The following CWC22 variants were observed in gnomAD, a reference collection of about 807,000 sequenced individuals.
The protein encoded by CWC22 is CWC22 spliceosome associated protein.
In CWC22, 53 loss-of-function variants were observed where a neutral mutation model predicts 117.2. The observed-to-expected ratio is 0.45, with a 90% CI of 0.36 to 0.57. The LOEUF is 0.57. CWC22 is among the 20% of genes least tolerant of loss of function. CWC22 has a pLI of 0.00. For synonymous variants in CWC22, 360 were observed against 355.6 expected, an observed-to-expected ratio of 1.01 and a Z score of -0.14; for missense variants, 980 against 1,068.8, an observed-to-expected ratio of 0.92 and a Z score of 1.16.
At position 179,954,356 on chromosome 2, in the gene CWC22, C is replaced by G. The variant is rs374379796; in HGVS notation, c.1538G>C (p.Arg513Pro). The G allele has an allele frequency of 1.9e-6, 3 of 1,547,990 alleles. No homozygotes were observed. Among genetic ancestry groups the G allele is most frequent in the Non-Finnish European group, 8.8e-7 (1 of 1,133,484 alleles). Residue 513 changes from arginine (R) to proline (P), a missense_variant and splice_region_variant, in exon 16 of 20, where the codon CGA (arginine) becomes CCA (proline). Coordinates refer to ENST00000410053, the MANE Select transcript of CWC22 (RefSeq NM_020943.3). ...YEKFFGLLAG[R>P]FCMLKKEYME... ...GTACTCTTTCTTTAGCATGCAAAAT[C>G]GCTAATAAATAAAAAATCAGTACCA...
In CWC22 at chr2:179,973,738, C is replaced by A; in HGVS notation, c.646G>T (p.Ala216Ser). The change falls in exon 7 of 20, where the codon GCA (alanine) becomes TCA (serine). Residue 216 changes from alanine to serine, a missense_variant. This residue lies in a region of CWC22 where 559 missense variants were observed against 602.3 expected (regional missense o/e 0.93). Coordinates refer to ENST00000410053, the MANE Select transcript of CWC22 (RefSeq NM_020943.3). ...SASPIFTHVYAALVAIINSKF... is the reference protein window; with the variant it reads ...SASPIFTHVYSALVAIINSKF... The stretch of plus-strand genomic sequence containing the variant: ...GAGTTGATAATTGCCACTAATGCTG[C>A]ATAAACATGGGTGAAGATTGGAGAA... The A allele has an allele frequency of 6.2e-7, 1 of 1,610,538 alleles. No individual in the cohort carries two copies.
chr2:179,980,543 G>A (rs571533560), intron 5 of CWC22, among the ~76,000 whole-genome samples: 12 of 150,710 alleles, frequency 8.0e-5, no homozygotes, highest in African/African-American at 2.4e-4. Flanking sequence ...TCAGCCTCCC[G>A]AGTAGCTGGG....
intron 1 of CWC22, among the ~76,000 whole-genome samples, chr2:180,000,174 T>C (rs535448794): frequency 6.6e-6 from 1 of 152,302 alleles, no homozygotes; most frequent in South Asian, 2.1e-4. Flanking sequence ...TGCCTCATGA[T>C]ATACCTCATA....
chr2:179,990,203 T>C (rs1371986198), intron 2 of CWC22, among the ~76,000 whole-genome samples: 1 of 152,216 alleles, frequency 6.6e-6, no homozygotes, highest in Non-Finnish European at 1.5e-5. Context: ...ATTCTGTATC[T>C]AATATAAGAA....
At chr2:179,952,658 G>C (rs2105508849) in intron 16 of CWC22, 60 bp from the exon 17 acceptor site, 4 of 935,978 alleles carry the variant, frequency 4.3e-6, no homozygotes, top group Non-Finnish European at 5.9e-6. Flanking sequence ...AGGACATAGT[G>C]ACCAATATTT....
At chr2:179,964,676 G>A (rs956359175) in intron 12 of CWC22, 48 bp from the exon 13 acceptor site, 2 of 991,792 alleles carry the variant, frequency 2.0e-6, no homozygotes, top group African/African-American at 1.6e-5. Context: ...TAAATGTGAT[G>A]AAGTTAAAAT....
At chr2:179,988,902 ATTTTTT>A (rs1687488076) in intron 2 of CWC22, among the ~76,000 whole-genome samples, 1 of 150,658 alleles carries the variant, frequency 6.6e-6, no homozygotes, top group Non-Finnish European at 1.5e-5. Flanking sequence ...GTTTATTTTT[ATTTTTT>A]ATTTCTTTTT....
chr2:179,984,609 T>C (rs1559294675), intron 4 of CWC22, among the ~76,000 whole-genome samples: 1 of 151,950 alleles, frequency 6.6e-6, no homozygotes, highest in South Asian at 2.1e-4. Context: ...AAAAAAGATA[T>C]TGATTTTAGT....
intron 1 of CWC22, among the ~76,000 whole-genome samples, chr2:179,999,918 T>C (rs1242472345): frequency 6.6e-6 from 1 of 152,070 alleles, no homozygotes; most frequent in Non-Finnish European, 1.5e-5. Flanking sequence ...AATGCCAAAA[T>C]ATAATGGGAG....
At chr2:180,001,884 T>C (rs1370076606) in intron 1 of CWC22, among the ~76,000 whole-genome samples, 1 of 152,216 alleles carries the variant, frequency 6.6e-6, no homozygotes, top group Admixed American at 6.5e-5. Flanking sequence ...GAGAGTTTAG[T>C]ATTTGCTCAT....
At chr2:179,986,226 T>C (rs1165639847) in intron 4 of CWC22, among the ~76,000 whole-genome samples, 1 of 152,134 alleles carries the variant, frequency 6.6e-6, no homozygotes, top group Non-Finnish European at 1.5e-5. Context: ...CCTTCACATG[T>C]AGAAAAAAAC....
chr2:179,993,449 C>G lies in CWC22; in HGVS notation c.-108G>C. 1.3e-6 allele frequency: 1 copy of G among 749,406 alleles called. No homozygotes were observed. Among genetic ancestry groups the G allele is most frequent in the Non-Finnish European group, 2.3e-6 (1 of 429,210 alleles). The allele number at this position is 749,406 out of a possible 1,614,324, so 46.4% of individuals were successfully genotyped here. On this transcript the variant is annotated 5_prime_UTR_variant, in exon 2 of 20. The change abolishes an upstream ATG in the 5' untranslated region. Transcript: ENST00000410053. ...ACAGTTTACTTTTTCTGTCTGCAAACATCACCTATAAAATATACCAAAGAA... is the reference window on the plus strand; with the variant it reads ...ACAGTTTACTTTTTCTGTCTGCAAAGATCACCTATAAAATATACCAAAGAA...
intron 17 of CWC22, among the ~76,000 whole-genome samples, chr2:179,951,267 A>C (rs1235609415): frequency 6.6e-6 from 1 of 152,124 alleles, no homozygotes; most frequent in Non-Finnish European, 1.5e-5. Context: ...TATAGTGAAT[A>C]TATGTACAAA....
At chr2:179,967,193 T>A (rs1388404753) in intron 11 of CWC22, among the ~76,000 whole-genome samples, 1 of 152,206 alleles carries the variant, frequency 6.6e-6, no homozygotes, top group Non-Finnish European at 1.5e-5. Context: ...TGCTAATTAC[T>A]AAAGCTGTGC....
chr2:179,978,985 G>A (rs1416300805), intron 5 of CWC22, among the ~76,000 whole-genome samples: 1 of 152,080 alleles, frequency 6.6e-6, no homozygotes, highest in Non-Finnish European at 1.5e-5. Flanking sequence ...AAATTACTTG[G>A]CCTCATTGAG....
intron 13 of CWC22, among the ~76,000 whole-genome samples, chr2:179,959,855 T>G (rs529379922): frequency 5.3e-5 from 8 of 152,106 alleles, no homozygotes; most frequent in Non-Finnish European, 1.0e-4. Flanking sequence ...ACTGTAAATG[T>G]ACACTTTAAA....
intron 13 of CWC22, among the ~76,000 whole-genome samples, chr2:179,960,553 A>G (rs1374718377): frequency 1.3e-5 from 2 of 152,048 alleles, no homozygotes; most frequent in African/African-American, 4.8e-5. Flanking sequence ...CTGGAGGTAA[A>G]AACACCTAAA....
At chr2:179,983,474 T>C (rs940004226) in intron 4 of CWC22, among the ~76,000 whole-genome samples, 12 of 152,190 alleles carry the variant, frequency 7.9e-5, no homozygotes, top group Non-Finnish European at 4.4e-5. Flanking sequence ...TAGTATTCCA[T>C]GGTGTATAAG....
chr2:180,005,924 C>T (rs531628380), intron 1 of CWC22, among the ~76,000 whole-genome samples: 1 of 152,284 alleles, frequency 6.6e-6, no homozygotes, highest in African/African-American at 2.4e-5. Context: ...AGTCCATCAC[C>T]CAGGACCAAC....
Sources: allele counts gnomAD v4.1 joint callset (sites outside exome capture counted in the v4.1 genomes callset), GRCh38; gene constraint gnomAD v4.1.1; regional missense constraint gnomAD v4.1.1; transcripts MANE v1.5; gene names NCBI Gene and HGNC (gene_info 2026-07-23, HGNC 2026-07-21).